The following INSR variants were observed in gnomAD, a reference collection of about 807,000 sequenced individuals.
INSR encodes the protein insulin receptor.
INSR carries 67 observed loss-of-function variants against 142.6 expected under a neutral mutation model. That is an observed-to-expected ratio of 0.47 (90% CI 0.39 to 0.58). The LOEUF (loss-of-function observed/expected upper bound fraction) is 0.58. Ranked by LOEUF, INSR falls within the 20% of genes least tolerant of loss-of-function variation. INSR has a pLI of 0.00. For synonymous variants in INSR, 756 were observed against 743.1 expected, an observed-to-expected ratio of 1.02 and a Z score of -0.28; for missense variants, 1,248 against 1,833.2, an observed-to-expected ratio of 0.68 and a Z score of 5.83.
chr19:7,174,164 T>G (rs1364607606), intron 4 of INSR, among the ~76,000 whole-genome samples: 1 of 151,232 alleles, frequency 6.6e-6, no homozygotes, highest in Non-Finnish European at 1.5e-5. Flanking sequence ...CAGTGACACC[T>G]GCCTGTACTC....
At chr19:7,178,176 AC>A (rs1414049309) in intron 3 of INSR, among the ~76,000 whole-genome samples, 1 of 134,358 alleles carries the variant, frequency 7.4e-6, no homozygotes, top group African/African-American at 2.8e-5. Flanking sequence ...AGCTTCAAAA[AC>A]CCTTGGAACT....
chr19:7,166,639 G>A lies in INSR; in HGVS notation c.1611-235C>T, dbSNP rs1335088830. Among the ~76,000 whole-genome samples the A allele has an allele frequency of 6.6e-6, 1 of 152,170 alleles. No individual in the cohort carries two copies. Among genetic ancestry groups the A allele is most frequent in the Non-Finnish European group, 1.5e-5 (1 of 68,030 alleles). On this transcript the variant is annotated intron_variant, in intron 7 of 21. Coordinates refer to ENST00000302850, the MANE Select transcript of INSR (RefSeq NM_000208.4). This position sits in a 1 kb window ranked among gnomAD's most constrained non-coding sequence, Gnocchi z 4.1. Reference sequence around the variant, plus strand: ...CCTTATTCAAAACACTTGAGACTTGGCCAAGTGCAGTGGCTCACGCCTGTA... The same window carrying A: ...CCTTATTCAAAACACTTGAGACTTGACCAAGTGCAGTGGCTCACGCCTGTA...
rs1253870035 is a variant in INSR, at chr19:7,128,994, G to A, written c.2843-40C>T. The A allele has an allele frequency of 6.7e-6, 10 of 1,503,516 alleles. 1 individual carries two copies. The highest frequency in any genetic ancestry group is 8.3e-6 in the Non-Finnish European group (9 of 1,080,376). 93.1% of individuals were successfully genotyped at this position (1,503,516 alleles called of 1,614,324 possible). On this transcript the variant is annotated intron_variant, in intron 14 of 21. Coordinates refer to ENST00000302850, the MANE Select transcript of INSR (RefSeq NM_000208.4). ...GAAAATATATGTTTCATATCAATGT[G>A]TTTCCAACAAAGTTCACATCAAAAA...
chr19:7,117,899 G>A (rs1423879873), intron 21 of INSR, among the ~76,000 whole-genome samples: 2 of 144,590 alleles, frequency 1.4e-5, no homozygotes, highest in Non-Finnish European at 3.0e-5. Flanking sequence ...TAGCCACCAT[G>A]CCTGGCCGCT....
intron 4 of INSR, among the ~76,000 whole-genome samples, chr19:7,173,612 C>CTTTTTTTTT (rs953885301): frequency 1.5e-4 from 9 of 61,498 alleles, no homozygotes; most frequent in African/African-American, 6.1e-4. Context: ...CAGCGCCTGG[C>CTTTTTTTTT]TTTTTTTTTT....
intron 2 of INSR, among the ~76,000 whole-genome samples, chr19:7,198,326 C>T (rs1480585621): frequency 1.3e-5 from 2 of 151,926 alleles, no homozygotes; most frequent in African/African-American, 4.8e-5. Context: ...CGCCGCCGGG[C>T]GGTCCCGGCC....
chr19:7,229,414 A>G (rs1291642974), intron 2 of INSR, among the ~76,000 whole-genome samples: 1 of 152,178 alleles, frequency 6.6e-6, no homozygotes, highest in Non-Finnish European at 1.5e-5. Context: ...TAAAGCCAGC[A>G]ATCTAAGAAC....
At chr19:7,162,900 T>C (rs564448430) in intron 9 of INSR, 132 bp downstream of exon 9, 2 of 762,130 alleles carry the variant, frequency 2.6e-6, no homozygotes, top group Non-Finnish European at 2.4e-6. Context: ...TGAGATAGAA[T>C]GGAGTGTGTG....
At chr19:7,189,975 T>A (rs1974533995) in intron 2 of INSR, among the ~76,000 whole-genome samples, 1 of 152,074 alleles carries the variant, frequency 6.6e-6, no homozygotes, top group African/African-American at 2.4e-5. Flanking sequence ...ATTTTACTAT[T>A]TCTATTAGGA....
intron 3 of INSR, among the ~76,000 whole-genome samples, chr19:7,178,517 G>A (rs1013587505): frequency 1.3e-5 from 2 of 151,996 alleles, no homozygotes; most frequent in East Asian, 1.9e-4. Context: ...TCAGGAGTTT[G>A]AGACCAGCCT....
At chr19:7,133,206 G>A (rs1348532139) in intron 13 of INSR, among the ~76,000 whole-genome samples, 4 of 152,122 alleles carry the variant, frequency 2.6e-5, no homozygotes, top group African/African-American at 7.2e-5. Context: ...AGGGTGCAGT[G>A]AGCTATGAAG....
chr19:7,173,894 T>C (rs1175049763), intron 4 of INSR, among the ~76,000 whole-genome samples: 2 of 151,976 alleles, frequency 1.3e-5, no homozygotes, highest in African/African-American at 4.8e-5. Flanking sequence ...ACTGTTGGGA[T>C]TACAGGCATG....
chr19:7,250,390 AGAAG>A (rs964670300), intron 2 of INSR, among the ~76,000 whole-genome samples: 7 of 97,744 alleles, frequency 7.2e-5, no homozygotes, highest in African/African-American at 3.3e-4. Context: ...AGGAAGGGAG[AGAAG>A]GAAGGGAGGT....
At chr19:7,174,355 G>A (rs1471995811) in intron 4 of INSR, among the ~76,000 whole-genome samples, 1 of 152,056 alleles carries the variant, frequency 6.6e-6, no homozygotes, top group Non-Finnish European at 1.5e-5. Context: ...AACTCCCAAA[G>A]TAGAAAATGA....
At chr19:7,203,323 G>A (rs1438514220) in intron 2 of INSR, among the ~76,000 whole-genome samples, 3 of 152,014 alleles carry the variant, frequency 2.0e-5, no homozygotes, top group Non-Finnish European at 4.4e-5. Context: ...AACGCCTCGC[G>A]CCTTGAATTC....
intron 2 of INSR, among the ~76,000 whole-genome samples, chr19:7,265,532 C>A (rs770887030): frequency 6.6e-6 from 1 of 152,012 alleles, no homozygotes; most frequent in African/African-American, 2.4e-5. Context: ...CCTGAGAGTT[C>A]GAGACCAGCC....
At chr19:7,184,055 C>T (rs1974346809) in intron 3 of INSR, among the ~76,000 whole-genome samples, 1 of 70,290 alleles carries the variant, frequency 1.4e-5, no homozygotes, top group African/African-American at 6.8e-5. Context: ...GGCAAGACTC[C>T]ATCTCAAAAA....
chr19:7,257,883 C>A (rs1039056165), intron 2 of INSR, among the ~76,000 whole-genome samples: 2 of 152,140 alleles, frequency 1.3e-5, no homozygotes, highest in African/African-American at 4.8e-5. Flanking sequence ...AGTGCAGTGG[C>A]GCAATCTCCA....
rs2860173 is a variant in INSR at position 7,129,075 on chromosome 19, A to G, written c.2843-121T>C. ...CCTGTTCCTTCCCTCCCTTGTCCATAAACCTCTCTGCTGCTCTTCCACATC... is the reference window on the plus strand; with the variant it reads ...CCTGTTCCTTCCCTCCCTTGTCCATGAACCTCTCTGCTGCTCTTCCACATC... On this transcript the variant is annotated intron_variant, in intron 14 of 21. Transcript: ENST00000302850. 673,957 of 726,444 alleles carry G rather than the reference A, an allele frequency of 0.93. 313,037 individuals are homozygous for G. The highest frequency in any genetic ancestry group is 1 in the East Asian group (36,789 of 36,796). 45.0% of individuals were successfully genotyped at this position (726,444 alleles called of 1,614,324 possible).
Sources: gnomAD v4.1 joint callset for allele counts (sites outside exome capture counted in the v4.1 genomes callset) on GRCh38, gnomAD v4.1.1 for gene constraint, Gnocchi (gnomAD v3.1) non-coding constraint, MANE v1.5 for transcripts, NCBI Gene and HGNC (gene_info 2026-07-23, HGNC 2026-07-21) for gene names.